PLCL2: variants seen among roughly 807,000 people sequenced by gnomAD.
PLCL2 encodes inactive phospholipase C-like protein 2.
In PLCL2, 4 loss-of-function variants were observed where a neutral mutation model predicts 79.6. That is an observed-to-expected ratio of 0.05 (90% CI 0.02 to 0.11). PLCL2 has a LOEUF of 0.11. Ranked by LOEUF, PLCL2 falls within the 10% of genes least tolerant of loss-of-function variation. The probability of loss-of-function intolerance (pLI) is 1.00; values close to 1 mark genes in which losing one functional copy is unlikely to be tolerated. For synonymous variants in PLCL2, 484 were observed against 457.7 expected (o/e 1.06, Z -0.73); for missense variants, 895 against 1,291.0 (o/e 0.69, Z 4.70).
At chr3:16,969,895 G>A (rs773657150) in intron 1 of PLCL2, among the ~76,000 whole-genome samples, 4 of 151,610 alleles carry the variant, frequency 2.6e-5, no homozygotes, top group South Asian at 2.1e-4. Flanking sequence ...AGAGATTCTG[G>A]TATGTTCTAT....
rs1042061638 is a variant in PLCL2 at position 16,983,497 on chromosome 3, C to T, written c.328-26177C>T. Among the ~76,000 whole-genome samples the T allele has an allele frequency of 8.5e-5, 13 of 152,202 alleles. No homozygotes were observed. The South Asian group carries it at 2.3e-3, about 27-fold the overall frequency. On this transcript the variant is annotated intron_variant, in intron 1 of 5. Coordinates refer to ENST00000615277, the MANE Select transcript of PLCL2 (RefSeq NM_001144382.2). ...CAGCCTGGCCAACATGGTGAAACCC[C>T]GTCTGTACCAAAAATACAAAAAATT...
intron 1 of PLCL2, among the ~76,000 whole-genome samples, chr3:16,910,345 A>C (rs1394718760): frequency 6.6e-6 from 1 of 151,860 alleles, no homozygotes; most frequent in East Asian, 1.9e-4. Flanking sequence ...ATACCCTCCA[A>C]GTTCCTAAAT....
Position 17,046,146 on chromosome 3 carries a change from C to G in PLCL2, c.3094+3197C>G, listed in dbSNP as rs542101994. Among the ~76,000 whole-genome samples the G allele has an allele frequency of 3.3e-5, 5 of 152,116 alleles. No homozygotes were observed. In the East Asian group the frequency reaches 9.7e-4, roughly 29 times the overall value. On this transcript the variant is annotated intron_variant, in intron 4 of 5. Coordinates refer to ENST00000615277, the MANE Select transcript of PLCL2 (RefSeq NM_001144382.2). ...GGTCTCTATAATTCATAAGCCCAGG[C>G]GAACACATGCATACATGTTCTCAAG...
chr3:17,069,216 T>G (rs934351438), intron 5 of PLCL2, among the ~76,000 whole-genome samples: 1 of 152,156 alleles, frequency 6.6e-6, no homozygotes, highest in African/African-American at 2.4e-5. Context: ...TGAGGGGTAG[T>G]AAATGAATTT....
intron 1 of PLCL2, among the ~76,000 whole-genome samples, chr3:16,966,491 T>G (rs1272496096): frequency 6.6e-6 from 1 of 152,152 alleles, no homozygotes; most frequent in Non-Finnish European, 1.5e-5. Flanking sequence ...TTTTTTGTTG[T>G]GTCTCTGCCA....
In PLCL2 at chr3:17,038,600, A is replaced by G. The variant is rs1429340302; in HGVS notation, c.3019-4274A>G. Among the ~76,000 whole-genome samples, 10 of 152,126 alleles carry G rather than the reference A, an allele frequency of 6.6e-5. No homozygotes were observed. The East Asian group carries it at 1.5e-3, about 23-fold the overall frequency. On this transcript the variant is annotated intron_variant, in intron 3 of 5. Transcript: ENST00000615277. ...TTATTCTAGTAGTTTCACATTAAATATAAATTATTTATTATTTATAATAAT... is the reference window on the plus strand; with the variant it reads ...TTATTCTAGTAGTTTCACATTAAATGTAAATTATTTATTATTTATAATAAT...
chr3:16,947,658 A>T (rs1346798048), intron 1 of PLCL2, among the ~76,000 whole-genome samples: 2 of 152,222 alleles, frequency 1.3e-5, no homozygotes, highest in Non-Finnish European at 2.9e-5. Context: ...ACCCCAAGTC[A>T]GAAAAGAAAC....
chr3:17,087,516 C>G (rs1404304301), intron 5 of PLCL2, among the ~76,000 whole-genome samples: 1 of 152,144 alleles, frequency 6.6e-6, no homozygotes, highest in Non-Finnish European at 1.5e-5. Context: ...GGAAGGATGA[C>G]TAGCAAAGCA....
chr3:16,924,743 C>G (rs1407119210), intron 1 of PLCL2, among the ~76,000 whole-genome samples: 1 of 152,160 alleles, frequency 6.6e-6, no homozygotes, highest in Non-Finnish European at 1.5e-5. Context: ...GCCCTGTTTC[C>G]AGCAGCACCA....
At chr3:16,933,835 A>AG (rs929834321) in intron 1 of PLCL2, among the ~76,000 whole-genome samples, 83 of 152,180 alleles carry the variant, frequency 5.5e-4, no homozygotes, top group African/African-American at 1.9e-3. Flanking sequence ...TTGGAGGCTG[A>AG]GGGGGGCAGA....
At chr3:17,053,567 C>T (rs2124930852) in intron 4 of PLCL2, among the ~76,000 whole-genome samples, 1 of 152,288 alleles carries the variant, frequency 6.6e-6, no homozygotes, top group Non-Finnish European at 1.5e-5. Context: ...TCCCAATAAT[C>T]CCCCAAAGTC....
intron 1 of PLCL2, among the ~76,000 whole-genome samples, chr3:16,920,745 C>A (rs1697107055): frequency 6.6e-6 from 1 of 152,196 alleles, no homozygotes; most frequent in South Asian, 2.1e-4. Flanking sequence ...TCCTCAAATA[C>A]TGTGAATAAA....
intron 1 of PLCL2, among the ~76,000 whole-genome samples, chr3:16,898,263 A>G (rs1268874087): frequency 2.0e-5 from 3 of 152,224 alleles, no homozygotes; most frequent in Non-Finnish European, 4.4e-5. Flanking sequence ...GGTGTAGTAG[A>G]AATGAACTTT....
At chr3:16,951,963 A>G (rs180689575) in intron 1 of PLCL2, among the ~76,000 whole-genome samples, 83 of 152,204 alleles carry the variant, frequency 5.5e-4, no homozygotes, top group Non-Finnish European at 9.4e-4. Flanking sequence ...TTTTCTCATC[A>G]TCTGATGAGA....
intron 1 of PLCL2, among the ~76,000 whole-genome samples, chr3:16,929,169 C>G (rs1345417645): frequency 3.4e-5 from 1 of 29,044 alleles, no homozygotes; most frequent in Non-Finnish European, 7.6e-5. Flanking sequence ...TGAGAGACAA[C>G]TAGGAAACCA....
chr3:16,939,297 A>T (rs1697619305), intron 1 of PLCL2, among the ~76,000 whole-genome samples: 1 of 152,230 alleles, frequency 6.6e-6, no homozygotes, highest in Non-Finnish European at 1.5e-5. Flanking sequence ...ATAAATCTTT[A>T]GTCTGTGCAT....
At chr3:16,899,716 G>T (rs896472223) in intron 1 of PLCL2, among the ~76,000 whole-genome samples, 13 of 152,022 alleles carry the variant, frequency 8.6e-5, no homozygotes, top group Non-Finnish European at 2.9e-5. Context: ...CTTGGGAAGA[G>T]CTCTTGGTCT....
chr3:17,013,399 A>G (rs2064349124), intron 2 of PLCL2, among the ~76,000 whole-genome samples: 1 of 152,218 alleles, frequency 6.6e-6, no homozygotes. Context: ...AGGGGCTTGC[A>G]TGCTAGTTGG....
At chr3:16,948,745 T>C (rs1201070675) in intron 1 of PLCL2, among the ~76,000 whole-genome samples, 1 of 152,190 alleles carries the variant, frequency 6.6e-6, no homozygotes, top group Non-Finnish European at 1.5e-5. Context: ...AGATTCCTTA[T>C]TCCATTAATT....
Sources: allele counts gnomAD v4.1 joint callset (sites outside exome capture counted in the v4.1 genomes callset), GRCh38; gene constraint gnomAD v4.1.1; transcripts MANE v1.5; gene names NCBI Gene and HGNC (gene_info 2026-07-23, HGNC 2026-07-21).